The following SCARB2 variants were observed in gnomAD, a reference collection of about 807,000 sequenced individuals.
The protein encoded by SCARB2 is lysosome membrane protein 2.
In SCARB2, 29 loss-of-function variants were observed where a neutral mutation model predicts 58.6. The ratio of observed to expected loss-of-function variants is 0.49; its 90% CI spans 0.37 to 0.67. The LOEUF is 0.67. Ranked by LOEUF, SCARB2 falls within the 30% of genes least tolerant of loss-of-function variation. The pLI is 0.00. For missense variants in SCARB2, 488 were observed against 578.5 expected (o/e 0.84, Z 1.60); for synonymous variants, 195 against 210.1 (o/e 0.93, Z 0.62).
chr4:76,210,501 G>A (rs1422528874), intron 1 of SCARB2, among the ~76,000 whole-genome samples: 4 of 152,206 alleles, frequency 2.6e-5, no homozygotes, highest in Non-Finnish European at 2.9e-5. Context: ...CCTAAGGGAG[G>A]AAAAGGAACT....
At chr4:76,168,339 A>G (rs1732058291) in intron 9 of SCARB2, 64 bp downstream of exon 9, 9 of 1,271,678 alleles carry the variant, frequency 7.1e-6, no homozygotes, top group Non-Finnish European at 1.0e-5. Context: ...TCCTGACATC[A>G]ACCCCACCAG....
At chr4:76,195,969 C>T (rs1293628663) in intron 1 of SCARB2, 105 bp from the exon 2 acceptor site, 1 of 746,506 alleles carries the variant, frequency 1.3e-6, no homozygotes, top group Non-Finnish European at 2.2e-6. Flanking sequence ...TCCTAGATCA[C>T]TATTTTAATC....
intron 1 of SCARB2, among the ~76,000 whole-genome samples, chr4:76,222,469 C>T (rs375793198): frequency 1.3e-5 from 2 of 152,212 alleles, no homozygotes; most frequent in African/African-American, 4.8e-5. Flanking sequence ...TTCAGGTGAT[C>T]CACCTGCCTC....
intron 1 of SCARB2, among the ~76,000 whole-genome samples, chr4:76,223,456 T>C (rs1306477196): frequency 6.6e-6 from 1 of 152,210 alleles, no homozygotes; most frequent in African/African-American, 2.4e-5. Flanking sequence ...AGCAGAATCC[T>C]GTATAATCCA....
chr4:76,203,433 T>C (rs534176266), intron 1 of SCARB2, among the ~76,000 whole-genome samples: 65 of 152,292 alleles, frequency 4.3e-4, no homozygotes, highest in South Asian at 2.1e-3. Flanking sequence ...CCAATATTGG[T>C]GTTTAAGGTT....
At chr4:76,175,073 G>T (rs1462738179) in intron 6 of SCARB2, 1 of 152,340 alleles carries the variant, frequency 6.6e-6, no homozygotes, top group Admixed American at 6.5e-5. Flanking sequence ...TCGCAAGGTT[G>T]TGAATAACAT....
At chr4:76,191,638 G>A (rs1732607513) in intron 2 of SCARB2, among the ~76,000 whole-genome samples, 1 of 152,128 alleles carries the variant, frequency 6.6e-6, no homozygotes, top group South Asian at 2.1e-4. Context: ...TGTAGAACCT[G>A]TGGAACTATA....
At chr4:76,174,472 A>T (rs1446797328) in intron 6 of SCARB2, 159 bp from the exon 7 acceptor site, 2 of 664,202 alleles carry the variant, frequency 3.0e-6, no homozygotes, top group Non-Finnish European at 5.4e-6. Flanking sequence ...CTCAACGTGT[A>T]ATAAAGCAGA....
At chr4:76,176,599 GC>G in intron 4 of SCARB2, 71 bp from the exon 5 acceptor site, 1 of 1,090,358 alleles carries the variant, frequency 9.2e-7, no homozygotes, top group Non-Finnish European at 1.4e-6. Flanking sequence ...AGACTATGGT[GC>G]CCAGTTGTTT....
chr4:76,195,609 C>T lies in SCARB2; in HGVS notation c.275+98G>A. On this transcript the variant is annotated intron_variant, in intron 2 of 11. Coordinates refer to ENST00000264896, the MANE Select transcript of SCARB2 (RefSeq NM_005506.4). ...AATGAAATCAGAAAGTGTGCTCCCA[C>T]ACAGCCCTGGAGCCTTGCTCCTGGG... 5 of 1,035,606 alleles carry T rather than the reference C, an allele frequency of 4.8e-6. No individual in the cohort carries two copies. The Admixed American group carries it at 7.1e-5, about 15-fold the overall frequency. The allele number at this position is 1,035,606 out of a possible 1,614,324, so 64.2% of individuals were successfully genotyped here.
intron 1 of SCARB2, among the ~76,000 whole-genome samples, chr4:76,225,151 G>A (rs1272659022): frequency 6.6e-6 from 1 of 152,110 alleles, no homozygotes; most frequent in Non-Finnish European, 1.5e-5. Flanking sequence ...GTATTCCATA[G>A]TAAATATATA....
chr4:76,181,291 G>A (rs1732378982), intron 2 of SCARB2, among the ~76,000 whole-genome samples, 190 bp from the exon 3 acceptor site: 2 of 152,186 alleles, frequency 1.3e-5, no homozygotes, highest in South Asian at 4.1e-4. Flanking sequence ...ACGAGGCCTA[G>A]GATAGAGTCT....
chr4:76,176,167 C>T (rs1732247668), intron 5 of SCARB2: 1 of 605,140 alleles, frequency 1.7e-6, no homozygotes, highest in South Asian at 2.0e-5. Flanking sequence ...AGCTACTACA[C>T]ATCACTCAAT....
At chr4:76,173,398 A>G (rs920552741) in intron 7 of SCARB2, 5 of 151,872 alleles carry the variant, frequency 3.3e-5, no homozygotes, top group Non-Finnish European at 5.9e-5. Context: ...CAGCACAATC[A>G]TAGCACAGTG....
intron 10 of SCARB2, 144 bp downstream of exon 10, chr4:76,166,106 T>C (rs1732003504): frequency 1.2e-6 from 1 of 838,988 alleles, no homozygotes; most frequent in Non-Finnish European, 2.1e-6. Context: ...TGTGAACATT[T>C]AAGTGAAATT....
chr4:76,187,861 A>G (rs1732520909), intron 2 of SCARB2, among the ~76,000 whole-genome samples: 1 of 152,180 alleles, frequency 6.6e-6, no homozygotes, highest in East Asian at 1.9e-4. Context: ...TACACTCTTA[A>G]AGATAATGCT....
At chr4:76,174,054 C>CA (rs1732192006) in intron 7 of SCARB2, 90 bp downstream of exon 7, 1 of 1,509,180 alleles carries the variant, frequency 6.6e-7, no homozygotes, top group South Asian at 1.1e-5. Context: ...TGTAGGTGTG[C>CA]GCCACTACGC....
intron 11 of SCARB2, 176 bp downstream of exon 11, chr4:76,163,049 C>A: frequency 1.3e-6 from 1 of 743,956 alleles, no homozygotes; most frequent in South Asian, 1.7e-5. Context: ...TTCTTTGACA[C>A]ACTTCCTTTG....
chr4:76,213,562 G>C lies in SCARB2; in HGVS notation c.-19C>G. The C allele has an allele frequency of 6.3e-7, 1 of 1,580,060 alleles. No homozygotes were observed. The highest frequency in any genetic ancestry group is 8.6e-7 in the Non-Finnish European group (1 of 1,158,270). On this transcript the variant is annotated 5_prime_UTR_variant, in exon 1 of 12. Transcript: ENST00000264896. Reference sequence around the variant, plus strand: ...GGCCCATTCTGTGCGCCGCTCACGGGCCGGGCCGGGCCGCACCCGCCAGGG... The same window carrying C: ...GGCCCATTCTGTGCGCCGCTCACGGCCCGGGCCGGGCCGCACCCGCCAGGG...
Sources: allele counts gnomAD v4.1 joint callset (sites outside exome capture counted in the v4.1 genomes callset), GRCh38; gene constraint gnomAD v4.1.1; transcripts MANE v1.5; gene names NCBI Gene and HGNC (gene_info 2026-07-23, HGNC 2026-07-21).